Variants in FRMD4B observed in about 807,000 individuals in gnomAD.
FRMD4B encodes FERM domain containing 4B, also known as FERM domain-containing protein 4B.
In FRMD4B, 74 loss-of-function variants were observed where a neutral mutation model predicts 141.5. That is an observed-to-expected ratio of 0.52 (90% CI 0.43 to 0.63). The LOEUF (loss-of-function observed/expected upper bound fraction) is 0.63. Ranked by LOEUF, FRMD4B falls within the 30% of genes least tolerant of loss-of-function variation. FRMD4B has a pLI of 0.00. For missense variants in FRMD4B, 1,366 were observed against 1,253.4 expected, an observed-to-expected ratio of 1.09 and a Z score of -1.36; for synonymous variants, 506 against 467.9, an observed-to-expected ratio of 1.08 and a Z score of -1.05.
chr3:69,209,529 T>C (rs1354466191), intron 11 of FRMD4B, among the ~76,000 whole-genome samples: 1 of 152,178 alleles, frequency 6.6e-6, no homozygotes, highest in Non-Finnish European at 1.5e-5. Context: ...CTCAATTTGA[T>C]AGCTGAAAAA....
chr3:69,371,460 T>C (rs990115973), intron 1 of FRMD4B, among the ~76,000 whole-genome samples: 8 of 152,242 alleles, frequency 5.3e-5, no homozygotes, highest in African/African-American at 1.4e-4. Context: ...TGGGAAGTCA[T>C]TGAAGGGATC....
chr3:69,278,490 G>T (rs942665298), intron 5 of FRMD4B, among the ~76,000 whole-genome samples: 3 of 151,920 alleles, frequency 2.0e-5, no homozygotes, highest in Non-Finnish European at 4.4e-5. Flanking sequence ...TAGGCACAGG[G>T]TCTTGCTATG....
In FRMD4B at chr3:69,241,904, C is replaced by A. The variant is rs71302175; in HGVS notation, c.581+7322G>T. 7.9e-3 allele frequency among the ~76,000 whole-genome samples: 1,192 copies of A among 151,622 alleles called. 19 individuals are homozygous for A. Among genetic ancestry groups the A allele is most frequent in the African/African-American group, 0.024 (999 of 41,336 alleles). On this transcript the variant is annotated intron_variant, in intron 7 of 22. Coordinates refer to ENST00000398540, the MANE Select transcript of FRMD4B (RefSeq NM_015123.3). ...AACAAAACAAAACAAAACAAAAAAA[C>A]CCCCAAAAAACAAAAAAGGAAACCT... is the stretch of plus-strand genomic sequence containing the variant.
At chr3:69,329,894 G>A (rs543852561) in intron 1 of FRMD4B, among the ~76,000 whole-genome samples, 2 of 151,954 alleles carry the variant, frequency 1.3e-5, no homozygotes, top group Non-Finnish European at 2.9e-5. Flanking sequence ...GTTTACCTGT[G>A]TAACAAACCT....
intron 1 of FRMD4B, among the ~76,000 whole-genome samples, chr3:69,352,919 C>T (rs925757993): frequency 5.9e-5 from 9 of 152,104 alleles, no homozygotes; most frequent in African/African-American, 1.7e-4. Context: ...TAGGACACCA[C>T]GGAATTTTTG....
At chr3:69,423,648 C>A (rs571594340) in intron 2 of FRMD4B, among the ~76,000 whole-genome samples, 14 of 152,244 alleles carry the variant, frequency 9.2e-5, no homozygotes, top group African/African-American at 3.4e-4. Flanking sequence ...GATAGGGCCT[C>A]TGGGACATGA....
At chr3:69,262,459 CTTTTTTTTTT>C (rs71618271) in intron 5 of FRMD4B, among the ~76,000 whole-genome samples, 3 of 86,822 alleles carry the variant, frequency 3.5e-5, no homozygotes, top group Admixed American at 1.4e-4. Context: ...ACACAAATGA[CTTTTTTTTTT>C]TTTTTTTTTT....
In FRMD4B at chr3:69,182,723, A is replaced by G. The variant is rs2107600275; in HGVS notation, c.1920-6T>C. On this transcript the variant is annotated splice_polypyrimidine_tract_variant and splice_region_variant and intron_variant, in intron 19 of 22. Transcript: ENST00000398540. ...TGTGTGTGGACAGCATTTCTCTGTG[A>G]TGATAAAAAGAAGAATTCAGGAAAT... is the stretch of plus-strand genomic sequence containing the variant. 2 of 1,610,756 alleles carry G rather than the reference A, an allele frequency of 1.2e-6. No individual in the cohort carries two copies. Among genetic ancestry groups the G allele is most frequent in the Non-Finnish European group, 1.7e-6 (2 of 1,179,042 alleles).
chr3:69,259,158 C>T (rs763601430), intron 5 of FRMD4B, among the ~76,000 whole-genome samples: 13 of 152,154 alleles, frequency 8.5e-5, no homozygotes, highest in South Asian at 2.1e-4. Context: ...GAGACAGCGA[C>T]GGATCATCTG....
chr3:69,497,008 G>C (rs539358585), intron 1 of FRMD4B, among the ~76,000 whole-genome samples: 1 of 151,800 alleles, frequency 6.6e-6, no homozygotes, highest in African/African-American at 2.4e-5. Context: ...AATACCTCTC[G>C]AACCCACTGA....
At chr3:69,207,320 AAAAG>A (rs1553701276) in intron 11 of FRMD4B, among the ~76,000 whole-genome samples, 7 of 150,562 alleles carry the variant, frequency 4.6e-5, no homozygotes, top group African/African-American at 1.5e-4. Context: ...AAAAAAAAAA[AAAAG>A]AAAGAAAGAA....
chr3:69,299,664 T>C (rs1041285466), intron 4 of FRMD4B, among the ~76,000 whole-genome samples: 1 of 152,272 alleles, frequency 6.6e-6, no homozygotes, highest in African/African-American at 2.4e-5. Flanking sequence ...CATTGTTTAC[T>C]ATAAAAGTGC....
At position 69,250,258 on chromosome 3, in the gene FRMD4B, C is replaced by T. The variant is rs1220535171; in HGVS notation, c.502-159G>A. 12 of 678,786 alleles carry T rather than the reference C, an allele frequency of 1.8e-5. No homozygotes were observed. In the Admixed American group the frequency reaches 2.5e-4, roughly 14 times the overall value. 42.0% of individuals were successfully genotyped at this position (678,786 alleles called of 1,614,324 possible). On this transcript the variant is annotated intron_variant, in intron 5 of 22. Transcript: ENST00000398540. ...GGAAAGTGGGGGGTGTGGAGAGACT[C>T]ATTGAGGGTTAAGGCGAAACCACTG...
At position 69,443,890 on chromosome 3, in the gene FRMD4B, A is replaced by G. The variant is rs535930591; in HGVS notation, c.-128-11129T>C. Reference sequence around the variant, plus strand: ...GGCACAGTTAAAACAATAACCAGCCATTGTTCTGGAGCTCACAAGATCTGT... The same window carrying G: ...GGCACAGTTAAAACAATAACCAGCCGTTGTTCTGGAGCTCACAAGATCTGT... On this transcript the variant is annotated intron_variant, in intron 1 of 5. Transcript: ENST00000459638. Among the ~76,000 whole-genome samples the G allele has an allele frequency of 6.6e-5, 10 of 152,370 alleles. No homozygotes were observed. The South Asian group carries it at 2.1e-3, about 32-fold the overall frequency.
At chr3:69,223,533 A>C (rs2093219055) in intron 8 of FRMD4B, among the ~76,000 whole-genome samples, 1 of 152,044 alleles carries the variant, frequency 6.6e-6, no homozygotes, top group Non-Finnish European at 1.5e-5. Flanking sequence ...AAATAAAATA[A>C]AAATAGATAA....
chr3:69,288,775 C>T (rs2107078418), intron 4 of FRMD4B, among the ~76,000 whole-genome samples: 1 of 152,326 alleles, frequency 6.6e-6, no homozygotes, highest in African/African-American at 2.4e-5. Context: ...GGAATTTACT[C>T]TCAGATCAGT....
At chr3:69,393,224 A>G (rs1055585648) in intron 2 of FRMD4B, among the ~76,000 whole-genome samples, 4 of 152,106 alleles carry the variant, frequency 2.6e-5, no homozygotes, top group African/African-American at 9.7e-5. Context: ...GGGGAAGTAA[A>G]CAAAGCAAAA....
At chr3:69,341,099 C>A (rs1334213788) in intron 1 of FRMD4B, among the ~76,000 whole-genome samples, 1 of 152,108 alleles carries the variant, frequency 6.6e-6, no homozygotes, top group Non-Finnish European at 1.5e-5. Context: ...ACTGATTGAT[C>A]AATGGTTTCT....
chr3:69,414,551 G>C (rs140202077), intron 2 of FRMD4B, among the ~76,000 whole-genome samples: 1 of 152,240 alleles, frequency 6.6e-6, no homozygotes, highest in African/African-American at 2.4e-5. Context: ...ATCTTAGGGC[G>C]TGATCCGCCT....
Sources: gnomAD v4.1 joint callset for allele counts (sites outside exome capture counted in the v4.1 genomes callset) on GRCh38, gnomAD v4.1.1 for gene constraint, MANE v1.5 for transcripts, NCBI Gene and HGNC (gene_info 2026-07-23, HGNC 2026-07-21) for gene names.